Variants in BAIAP2L2 observed in about 807,000 individuals in gnomAD.
The protein encoded by BAIAP2L2 is BAR/IMD domain-containing adapter protein 2-like 2.
BAIAP2L2 carries 65 observed loss-of-function variants against 60.4 expected under a neutral mutation model. The ratio of observed to expected loss-of-function variants is 1.08; its 90% confidence interval spans 0.88 to 1.32. The LOEUF is 1.32. Ranked by LOEUF, BAIAP2L2 falls within the 40% of genes most tolerant of loss-of-function variation. The probability of loss-of-function intolerance (pLI) is 0.00; values close to 1 mark genes in which losing one functional copy is unlikely to be tolerated. For synonymous variants in BAIAP2L2, 344 were observed against 301.7 expected (o/e 1.14, Z -1.45); for missense variants, 836 against 741.2 (o/e 1.13, Z -1.48).
At chr22:38,087,310 G>A in intron 10 of BAIAP2L2, 46 bp from the exon 11 acceptor site, 5 of 1,567,776 alleles carry the variant, frequency 3.2e-6, no homozygotes, top group Non-Finnish European at 4.3e-6. Flanking sequence ...AGCCAGGCCT[G>A]GGGACAATGA....
chr22:38,094,874 G>A (rs1319257482), intron 7 of BAIAP2L2, among the ~76,000 whole-genome samples: 3 of 152,190 alleles, frequency 2.0e-5, no homozygotes, highest in South Asian at 4.2e-4. Context: ...AGCCAGGACC[G>A]GGCGTGGTGG....
In BAIAP2L2 at chr22:38,109,228, G is replaced by C; in HGVS notation, c.52-20C>G. On this transcript the variant is annotated intron_variant, in intron 1 of 13. Coordinates refer to ENST00000381669, the MANE Select transcript of BAIAP2L2 (RefSeq NM_025045.6). Reference sequence around the variant, plus strand: ...GATGCTCTGGACCCCAGGGTCAGGGGAGGAAAAAGGTGTAGAGATGGGGGA... The same window carrying C: ...GATGCTCTGGACCCCAGGGTCAGGGCAGGAAAAAGGTGTAGAGATGGGGGA... 6.3e-7 allele frequency: 1 copy of C among 1,587,354 alleles called. No individual in the cohort carries two copies. The highest frequency in any genetic ancestry group is 8.6e-7 in the Non-Finnish European group (1 of 1,156,522).
chr22:38,108,132 A>G, intron 3 of BAIAP2L2, 123 bp downstream of exon 3: 2 of 1,053,066 alleles, frequency 1.9e-6, no homozygotes, highest in Non-Finnish European at 2.8e-6. Context: ...GGGCCCCAGA[A>G]CAAGAGTCTG....
chr22:38,087,185 T>A lies in BAIAP2L2; in HGVS notation c.1198A>T (p.Thr400Ser), dbSNP rs1601986981. The A allele has an allele frequency of 6.2e-7, 1 of 1,600,682 alleles. No homozygotes were observed. The highest frequency in any genetic ancestry group is 8.5e-7 in the Non-Finnish European group (1 of 1,175,420). The change falls in exon 11 of 14, where the codon ACC becomes TCC. Residue 400 changes from threonine (T) to serine (S), a missense_variant. Thr to Ser is a moderately conservative substitution (Grantham distance 58, BLOSUM62 1). Coordinates refer to ENST00000381669, the MANE Select transcript of BAIAP2L2 (RefSeq NM_025045.6). ...ATGGGGGACATGGAGGTCATGGAGG[T>A]CATGGGGGTCACGGGGGTCATGGGA... Reference protein sequence around the residue: ...VNPMTPVTPMTSMTSMSPMTP... With the variant: ...VNPMTPVTPMSSMTSMSPMTP...
intron 7 of BAIAP2L2, among the ~76,000 whole-genome samples, chr22:38,092,664 C>T (rs1461573879): frequency 6.6e-6 from 1 of 152,094 alleles, no homozygotes; most frequent in Non-Finnish European, 1.5e-5. Flanking sequence ...GTTTTAAAGT[C>T]CAGCTGGGTC....
intron 7 of BAIAP2L2, among the ~76,000 whole-genome samples, chr22:38,092,028 A>G (rs2086316771): frequency 6.6e-6 from 1 of 152,208 alleles, no homozygotes; most frequent in African/African-American, 2.4e-5. Flanking sequence ...AAACTCATAC[A>G]TCACTGATGG....
rs1329381327 is a variant in BAIAP2L2, at chr22:38,085,689, G to A, written c.1511C>T (p.Pro504Leu). ...SEQYPPQELF[P>L]RGTNPFATVK... ...GGGCCCCCATGTGAGGACTCACCTC[G>A]GGAAGAGCTCCTGTGGTGGGTACTG... The change falls in exon 13 of 14, where the codon CCG becomes CTG. Residue 504 changes from proline to leucine, a missense_variant. Pro to Leu is a moderately conservative substitution (Grantham distance 98). Coordinates refer to ENST00000381669, the MANE Select transcript of BAIAP2L2 (RefSeq NM_025045.6). The A allele has an allele frequency of 1.4e-5, 22 of 1,613,072 alleles. No individual in the cohort carries two copies. The highest frequency in any genetic ancestry group is 2.2e-5 in the South Asian group (2 of 91,014).
chr22:38,108,174 A>G (rs1401403658), intron 3 of BAIAP2L2, 81 bp downstream of exon 3: 2 of 1,349,670 alleles, frequency 1.5e-6, no homozygotes, highest in South Asian at 1.3e-5. Context: ...GGCCTGTGTC[A>G]GGGACTCGGG....
chr22:38,085,410 C>T (rs1601978231), intron 13 of BAIAP2L2, 35 bp from the exon 14 acceptor site: 2 of 1,595,896 alleles, frequency 1.3e-6, no homozygotes, highest in Non-Finnish European at 1.7e-6. Flanking sequence ...GTGAGAAGGG[C>T]AGATGATCCC....
chr22:38,096,839 T>C (rs1343461183), intron 7 of BAIAP2L2, among the ~76,000 whole-genome samples, 193 bp downstream of exon 7: 2 of 151,358 alleles, frequency 1.3e-5, no homozygotes, highest in Admixed American at 6.6e-5. Flanking sequence ...AATAAATGAG[T>C]GAATATACAG....
Position 38,086,272 on chromosome 22 carries a change from C to T in BAIAP2L2, c.1437G>A (p.Met479Ile). 1 of 1,609,940 alleles carries T rather than the reference C, an allele frequency of 6.2e-7. No individual in the cohort carries two copies. Among genetic ancestry groups the T allele is most frequent in the Non-Finnish European group, 8.5e-7 (1 of 1,178,310 alleles). The change falls in exon 12 of 14, where the codon ATG (methionine) becomes ATA (isoleucine). Residue 479 changes from methionine to isoleucine, a missense_variant. Physicochemically the swap from Met to Ile is conservative, Grantham distance 10. Transcript: ENST00000381669. ...PPLPSSRRSS[M>I]GSTAVATDVK... ...CGTCAGTGGCAACTGCTGTGCTGCC[C>T]ATGCTGCTGCGGCGGCTGCTGGGCA... is the stretch of plus-strand genomic sequence containing the variant.
intron 1 of BAIAP2L2, 89 bp downstream of exon 1, chr22:38,110,386 C>T (rs2086818212): frequency 1.5e-6 from 2 of 1,346,856 alleles, no homozygotes; most frequent in African/African-American, 1.4e-5. Flanking sequence ...ATCTGTAGCC[C>T]CGGCTGGCCC....
At chr22:38,097,641 T>TG (rs1485071342) in intron 6 of BAIAP2L2, among the ~76,000 whole-genome samples, 1 of 151,970 alleles carries the variant, frequency 6.6e-6, no homozygotes, top group Non-Finnish European at 1.5e-5. Flanking sequence ...AGGCCAGGGA[T>TG]GGGGCCCCAG....
chr22:38,108,311 C>G lies in BAIAP2L2; in HGVS notation c.158G>C (p.Ser53Thr). 4 of 1,612,770 alleles carry G rather than the reference C, an allele frequency of 2.5e-6. No individual in the cohort carries two copies. Among genetic ancestry groups the G allele is most frequent in the Non-Finnish European group, 2.5e-6 (3 of 1,179,926 alleles). The change falls in exon 3 of 14, where the codon AGT (serine) becomes ACT (threonine). Residue 53 changes from serine (S) to threonine (T), a missense_variant. By Grantham distance (58) the Ser-to-Thr change is moderately conservative (BLOSUM62 1). Transcript: ENST00000381669. ...ACGCTCCCCAATCTTCTGGATGGCA[C>G]TGAAGTAGACCTCGGCCGCCTCGGA... The part of the protein sequence containing the change: ...ALSEAAEVYF[S>T]AIQKIGERAL...
At chr22:38,108,212 G>T in intron 3 of BAIAP2L2, 43 bp downstream of exon 3, 1 of 1,568,894 alleles carries the variant, frequency 6.4e-7, no homozygotes, top group Non-Finnish European at 8.7e-7. Flanking sequence ...GGGTGCAAAA[G>T]GAGGGCCCAA....
At chr22:38,103,051 TAA>T (rs759453514) in intron 4 of BAIAP2L2, among the ~76,000 whole-genome samples, 2 of 132,940 alleles carry the variant, frequency 1.5e-5, no homozygotes, top group Non-Finnish European at 1.6e-5. Flanking sequence ...ATCTCAAAAT[TAA>T]AAAAAAAAAA....
At chr22:38,087,052 G>A in intron 11 of BAIAP2L2, 72 bp downstream of exon 11, 1 of 1,438,632 alleles carries the variant, frequency 7.0e-7, no homozygotes, top group Non-Finnish European at 9.1e-7. Context: ...GCACCTTGCA[G>A]ATCCTCTCCG....
chr22:38,085,482 A>G (rs2086032192), intron 13 of BAIAP2L2, 107 bp from the exon 14 acceptor site: 2 of 1,348,622 alleles, frequency 1.5e-6, no homozygotes, highest in Admixed American at 1.9e-5. Flanking sequence ...TCCTGCCCCT[A>G]TTTGGTCTCC....
At chr22:38,105,051 C>A (rs1157945099) in intron 4 of BAIAP2L2, among the ~76,000 whole-genome samples, 4 of 152,164 alleles carry the variant, frequency 2.6e-5, no homozygotes, top group African/African-American at 9.7e-5. Flanking sequence ...GCAAGATTTT[C>A]TGTGCCTGTG....
Sources: allele counts gnomAD v4.1 joint callset (sites outside exome capture counted in the v4.1 genomes callset), GRCh38; gene constraint gnomAD v4.1.1; transcripts MANE v1.5; gene names NCBI Gene and HGNC (gene_info 2026-07-23, HGNC 2026-07-21).